CNTNAP2: variants seen among roughly 807,000 people sequenced by gnomAD.
The protein encoded by CNTNAP2 is contactin-associated protein-like 2.
A neutral mutation model predicts 155.2 loss-of-function variants in CNTNAP2; 98 were observed. The observed-to-expected ratio is 0.63, with a 90% confidence interval of 0.54 to 0.75. The LOEUF is 0.75. Among genes scored for constraint, CNTNAP2 ranks in the 30% least tolerant of loss-of-function variants. The pLI is 0.00. For synonymous variants in CNTNAP2, 651 were observed against 631.2 expected, an observed-to-expected ratio of 1.03 and a Z score of -0.47; for missense variants, 1,727 against 1,688.1, an observed-to-expected ratio of 1.02 and a Z score of -0.40.
intron 18 of CNTNAP2, among the ~76,000 whole-genome samples, chr7:148,176,924 T>G (rs1378308277): frequency 6.6e-6 from 1 of 152,132 alleles, no homozygotes; most frequent in Admixed American, 6.5e-5. Flanking sequence ...CCAAAGATAG[T>G]TTTCTAACAT....
chr7:148,357,889 C>G (rs2116610993), intron 21 of CNTNAP2, among the ~76,000 whole-genome samples: 1 of 152,268 alleles, frequency 6.6e-6, no homozygotes. Flanking sequence ...TTCAAACAAG[C>G]ACAAAGTTGT....
At chr7:147,081,746 C>A (rs572945627) in intron 4 of CNTNAP2, 2 of 152,308 alleles carry the variant, frequency 1.3e-5, no homozygotes, top group East Asian at 3.9e-4. Context: ...AGCCACCGCA[C>A]CCGGCCGAGA....
chr7:148,283,238 T>A (rs1797004014), intron 21 of CNTNAP2, among the ~76,000 whole-genome samples: 1 of 10,180 alleles, frequency 9.8e-5, no homozygotes, highest in Admixed American at 1.7e-3. Context: ...CAACTCTGTC[T>A]CAAAAAAAAA....
intron 8 of CNTNAP2, among the ~76,000 whole-genome samples, chr7:147,209,136 G>T (rs181013825): frequency 6.6e-6 from 1 of 152,096 alleles, no homozygotes; most frequent in African/African-American, 2.4e-5. Flanking sequence ...GATATTGCTA[G>T]ATTGATAAGA....
chr7:146,638,491 TTTTTTTTC>T (rs1167959470), intron 1 of CNTNAP2, among the ~76,000 whole-genome samples: 12 of 117,086 alleles, frequency 1.0e-4, no homozygotes, highest in South Asian at 7.0e-4. Flanking sequence ...TTTTTTTTTT[TTTTTTTTC>T]TTTGAGATGG....
At chr7:146,199,098 C>A (rs1037445748) in intron 1 of CNTNAP2, among the ~76,000 whole-genome samples, 6 of 152,100 alleles carry the variant, frequency 3.9e-5, no homozygotes, top group African/African-American at 1.4e-4. Context: ...ACTGTAAGTT[C>A]TTATTCATAT....
intron 2 of CNTNAP2, among the ~76,000 whole-genome samples, chr7:146,786,131 T>C (rs906845716): frequency 6.6e-6 from 1 of 152,194 alleles, no homozygotes; most frequent in Non-Finnish European, 1.5e-5. Context: ...CTGTAAAAAC[T>C]ATAGTTCAAA....
intron 1 of CNTNAP2, among the ~76,000 whole-genome samples, chr7:146,468,577 A>G (rs2129126107): frequency 6.6e-6 from 1 of 152,336 alleles, no homozygotes; most frequent in African/African-American, 2.4e-5. Flanking sequence ...TATCAGTAGG[A>G]ATTTGTCTTG....
At chr7:146,238,164 CA>C (rs1435567674) in intron 1 of CNTNAP2, among the ~76,000 whole-genome samples, 5 of 152,166 alleles carry the variant, frequency 3.3e-5, no homozygotes, top group African/African-American at 1.2e-4. Context: ...ATGGTAAATG[CA>C]TATCTTCTGC....
intron 13 of CNTNAP2, among the ~76,000 whole-genome samples, chr7:147,741,820 A>G (rs1361125004): frequency 5.3e-5 from 8 of 152,224 alleles, no homozygotes; most frequent in Admixed American, 5.2e-4. Context: ...ATGTCTCTAC[A>G]GTACTGATTC....
intron 21 of CNTNAP2, among the ~76,000 whole-genome samples, chr7:148,284,333 G>C (rs553037219): frequency 6.6e-6 from 1 of 152,180 alleles, no homozygotes; most frequent in East Asian, 1.9e-4. Context: ...GGTTTTATAA[G>C]GGGTTTCCCT....
chr7:147,559,328 C>T (rs1191050825), intron 11 of CNTNAP2, among the ~76,000 whole-genome samples: 1 of 152,176 alleles, frequency 6.6e-6, no homozygotes, highest in Non-Finnish European at 1.5e-5. Context: ...CATTGGCAAG[C>T]AGCTGAAGCC....
intron 3 of CNTNAP2, among the ~76,000 whole-genome samples, chr7:147,033,147 C>CATATAT (rs140439948): frequency 5.9e-4 from 51 of 86,976 alleles, no homozygotes; most frequent in African/African-American, 2.3e-3. Flanking sequence ...GATATTGCTG[C>CATATAT]ATATATATAT....
chr7:147,861,967 C>T (rs1347961186), intron 13 of CNTNAP2, among the ~76,000 whole-genome samples: 1 of 124,692 alleles, frequency 8.0e-6, no homozygotes, highest in African/African-American at 3.0e-5. Flanking sequence ...CATTGCACTC[C>T]AACTTGGGCA....
chr7:146,796,091 A>T (rs1027028324), intron 2 of CNTNAP2, among the ~76,000 whole-genome samples: 1 of 152,228 alleles, frequency 6.6e-6, no homozygotes, highest in Non-Finnish European at 1.5e-5. Flanking sequence ...ACAGGTTAAC[A>T]GTATATACTT....
intron 15 of CNTNAP2, among the ~76,000 whole-genome samples, chr7:148,057,950 C>CTTATTATTA (rs60012733): frequency 0.062 from 8,891 of 142,628 alleles, 335 homozygotes; most frequent in East Asian, 0.19. Context: ...CAGCTTCCAG[C>CTTATTATTA]TTATTATTAT....
intron 13 of CNTNAP2, among the ~76,000 whole-genome samples, chr7:147,866,254 G>T (rs1339728539): frequency 6.7e-6 from 1 of 149,644 alleles, no homozygotes; most frequent in Admixed American, 6.9e-5. Flanking sequence ...TCTTAATGCT[G>T]AGTTCTAAAT....
chr7:146,606,513 G>A (rs923414948), intron 1 of CNTNAP2, among the ~76,000 whole-genome samples: 2 of 152,106 alleles, frequency 1.3e-5, no homozygotes, highest in African/African-American at 4.8e-5. Context: ...AAAAATTTCA[G>A]TCATATTGTC....
chr7:146,644,984 G>C (rs1351927626), intron 1 of CNTNAP2, among the ~76,000 whole-genome samples: 3 of 152,120 alleles, frequency 2.0e-5, no homozygotes, highest in Admixed American at 2.0e-4. Context: ...CATTTTATGA[G>C]GCCAGCATCA....
Sources: allele counts gnomAD v4.1 joint callset (sites outside exome capture counted in the v4.1 genomes callset), GRCh38; gene constraint gnomAD v4.1.1; transcripts MANE v1.5; gene names NCBI Gene and HGNC (gene_info 2026-07-23, HGNC 2026-07-21).